Variants in TMEM236 observed in about 807,000 individuals in gnomAD.
The protein encoded by TMEM236 is family with sequence similarity 23, member A.
TMEM236 carries 11 observed loss-of-function variants against 14.7 expected under a neutral mutation model. That is an observed-to-expected ratio of 0.75 (90% CI 0.47 to 1.24). The LOEUF (loss-of-function observed/expected upper bound fraction) is 1.24, where lower values mean the gene tolerates loss of function less well. Among genes scored for constraint, TMEM236 ranks in the 50% most tolerant of loss-of-function variants. The probability of loss-of-function intolerance (pLI) is 0.00; values close to 1 mark genes in which losing one functional copy is unlikely to be tolerated. For missense variants in TMEM236, 464 were observed against 427.3 expected (o/e 1.09, Z -0.76); for synonymous variants, 182 against 168.6 (o/e 1.08, Z -0.62).
chr10:17,772,605 T>C (rs1311180051), intron 2 of TMEM236, among the ~76,000 whole-genome samples: 1 of 152,114 alleles, frequency 6.6e-6, no homozygotes, highest in Non-Finnish European at 1.5e-5. Context: ...TTTTTCTTAC[T>C]TAATTTTCAC....
At chr10:17,768,619 C>T (rs986924433) in intron 1 of TMEM236, among the ~76,000 whole-genome samples, 24 of 152,112 alleles carry the variant, frequency 1.6e-4, no homozygotes, top group South Asian at 1.5e-3. Context: ...AGATACGGTC[C>T]GGGCTTCCAC....
At chr10:17,773,629 C>G (rs1837610901) in intron 2 of TMEM236, among the ~76,000 whole-genome samples, 1 of 152,154 alleles carries the variant, frequency 6.6e-6, no homozygotes, top group Admixed American at 6.6e-5. Context: ...TGAGGCACCC[C>G]TCCAGGCATC....
At chr10:17,782,828 A>G (rs1589149995) in intron 3 of TMEM236, among the ~76,000 whole-genome samples, 1 of 152,168 alleles carries the variant, frequency 6.6e-6, no homozygotes, top group East Asian at 1.9e-4. Context: ...CCATGATAAT[A>G]TATCTAGCAG....
chr10:17,764,385 A>G (rs1297245690), intron 1 of TMEM236, among the ~76,000 whole-genome samples: 6 of 152,312 alleles, frequency 3.9e-5, no homozygotes, highest in Admixed American at 6.5e-5. Context: ...TCATGTGGAA[A>G]TTACACCATG....
intron 1 of TMEM236, among the ~76,000 whole-genome samples, chr10:17,766,129 GTT>G (rs1185169499): frequency 6.6e-6 from 1 of 152,186 alleles, no homozygotes; most frequent in Non-Finnish European, 1.5e-5. Flanking sequence ...TCAAGTTCTA[GTT>G]CCTTTTTGCT....
chr10:17,772,730 C>T (rs1837593445), intron 2 of TMEM236, among the ~76,000 whole-genome samples: 1 of 152,176 alleles, frequency 6.6e-6, no homozygotes. Context: ...AAGAAGGAAA[C>T]TTTGGCCGGC....
At chr10:17,755,104 A>G (rs1282113663) in intron 1 of TMEM236, among the ~76,000 whole-genome samples, 1 of 148,572 alleles carries the variant, frequency 6.7e-6, no homozygotes, top group African/African-American at 2.5e-5. Flanking sequence ...ACTCCCGGCT[A>G]ATGTTTTTTT....
chr10:17,774,508 C>T (rs1421071922), intron 2 of TMEM236, among the ~76,000 whole-genome samples: 1 of 151,266 alleles, frequency 6.6e-6, no homozygotes, highest in African/African-American at 2.4e-5. Context: ...CCATCCTTCC[C>T]ACATTTCTCT....
intron 2 of TMEM236, 144 bp downstream of exon 2, chr10:17,771,525 TA>T: frequency 1.2e-6 from 1 of 802,672 alleles, no homozygotes; most frequent in Non-Finnish European, 2.1e-6. Context: ...ATATGTTATT[TA>T]AAGTACTGAG....
intron 2 of TMEM236, among the ~76,000 whole-genome samples, chr10:17,772,965 T>C (rs1837598215): frequency 6.6e-6 from 1 of 152,204 alleles, no homozygotes; most frequent in African/African-American, 2.4e-5. Context: ...ATTTAAAATA[T>C]GGTTGTGAGG....
At chr10:17,763,074 G>C (rs1290247622) in intron 1 of TMEM236, among the ~76,000 whole-genome samples, 1 of 152,144 alleles carries the variant, frequency 6.6e-6, no homozygotes, top group Non-Finnish European at 1.5e-5. Context: ...AGTCTGGATA[G>C]TTGCATATGA....
At chr10:17,764,611 G>T (rs1173212861) in intron 1 of TMEM236, among the ~76,000 whole-genome samples, 1 of 152,100 alleles carries the variant, frequency 6.6e-6, no homozygotes, top group Admixed American at 6.6e-5. Context: ...AGTTCTGGAG[G>T]TGAGAAGTCT....
At chr10:17,776,310 A>T in intron 3 of TMEM236, 140 bp downstream of exon 3, 1 of 851,086 alleles carries the variant, frequency 1.2e-6, no homozygotes, top group South Asian at 1.8e-5. Flanking sequence ...AAATGAAGAT[A>T]TCTAAACATA....
intron 1 of TMEM236, among the ~76,000 whole-genome samples, chr10:17,767,742 A>G (rs149910495): frequency 0.49 from 74,020 of 151,816 alleles, 19,004 homozygotes; most frequent in African/African-American, 0.67. Flanking sequence ...AACCACAGTA[A>G]TATTAGCAGG....
chr10:17,771,786 A>G (rs1050829323), intron 2 of TMEM236, among the ~76,000 whole-genome samples: 2 of 152,220 alleles, frequency 1.3e-5, no homozygotes, highest in Non-Finnish European at 2.9e-5. Context: ...GTCCATTGAT[A>G]ATAATTTGCA....
chr10:17,752,415 T>A lies in TMEM236; in HGVS notation c.120T>A (p.Ala40=). ...QFATAYQGTR[A]RSDNTHYWLI... is the part of the protein sequence containing the mutation. ...CCACCGCCTACCAAGGAACAAGGGC[T>A]AGATCTGACAACACACACTACTGGC... Residue 40 remains alanine, a synonymous_variant, in exon 1 of 4, where the codon GCT becomes GCA. Coordinates refer to ENST00000377495, the MANE Select transcript of TMEM236 (RefSeq NM_001098844.3). 1.2e-6 allele frequency: 2 copies of A among 1,614,004 alleles called. No individual in the cohort carries two copies. Among genetic ancestry groups the A allele is most frequent in the South Asian group, 2.2e-5 (2 of 91,078 alleles).
At chr10:17,775,629 A>G (rs1837647250) in intron 2 of TMEM236, among the ~76,000 whole-genome samples, 1 of 152,222 alleles carries the variant, frequency 6.6e-6, no homozygotes, top group Non-Finnish European at 1.5e-5. Context: ...CCCAAAGTCT[A>G]GCCAGAATTA....
chr10:17,784,712 A>C (rs1227656730), intron 3 of TMEM236, among the ~76,000 whole-genome samples: 1 of 152,210 alleles, frequency 6.6e-6, no homozygotes, highest in Non-Finnish European at 1.5e-5. Flanking sequence ...ATAGGGAGAA[A>C]GCAAGCAAGG....
intron 1 of TMEM236, among the ~76,000 whole-genome samples, chr10:17,765,952 C>T (rs782644593): frequency 0.012 from 1,842 of 152,352 alleles, 25 homozygotes; most frequent in Middle Eastern, 0.071. Context: ...TCCTAGAAGT[C>T]CAACAGCATT....
Sources: gnomAD v4.1 joint callset for allele counts (sites outside exome capture counted in the v4.1 genomes callset) on GRCh38, gnomAD v4.1.1 for gene constraint, MANE v1.5 for transcripts, NCBI Gene and HGNC (gene_info 2026-07-23, HGNC 2026-07-21) for gene names.